The following EDN1 variants were observed in gnomAD, a reference collection of about 807,000 sequenced individuals.
The protein encoded by EDN1 is endothelin-1.
EDN1 carries 11 observed loss-of-function variants against 21.7 expected under a neutral mutation model. That is an observed-to-expected ratio of 0.51 (90% CI 0.32 to 0.84). The LOEUF is 0.84. Ranked by LOEUF, EDN1 falls within the 40% of genes least tolerant of loss-of-function variation. The pLI, the probability that EDN1 is intolerant of heterozygous loss-of-function variation, is 0.03. For synonymous variants in EDN1, 85 were observed against 90.6 expected, an observed-to-expected ratio of 0.94 and a Z score of 0.35; for missense variants, 244 against 262.3, an observed-to-expected ratio of 0.93 and a Z score of 0.48.
the EDN1 span, among the ~76,000 whole-genome samples, chr6:12,278,005 A>T: frequency 6.6e-6 from 1 of 152,238 alleles, no homozygotes; most frequent in African/African-American, 2.4e-5. Flanking sequence ...CTTGGTTATG[A>T]ATTAAAGATC....
upstream of EDN1, among the ~76,000 whole-genome samples, chr6:12,287,712 T>TCTCTCTCTCACA (rs1380647005): frequency 9.7e-6 from 1 of 103,050 alleles, no homozygotes; most frequent in Admixed American, 1.0e-4. Context: ...TCTCTCTCTC[T>TCTCTCTCTCACA]CACACACACA....
At chr6:12,274,482 T>G in the EDN1 span, among the ~76,000 whole-genome samples, 1 of 152,238 alleles carries the variant, frequency 6.6e-6, no homozygotes, top group Non-Finnish European at 1.5e-5. Context: ...CATTTATTTT[T>G]AAAACTTTTA....
At chr6:12,255,165 T>C in the EDN1 span, among the ~76,000 whole-genome samples, 3 of 151,792 alleles carry the variant, frequency 2.0e-5, no homozygotes, top group Admixed American at 1.3e-4. Context: ...CACAAAACTC[T>C]TGAATTGAAT....
chr6:12,282,003 G>T, the EDN1 span, among the ~76,000 whole-genome samples: 2 of 152,030 alleles, frequency 1.3e-5, no homozygotes, highest in Non-Finnish European at 2.9e-5. Context: ...GATGTTTTCT[G>T]GTCATCTTTT....
rs139407538 is a variant in EDN1, at chr6:12,293,952, C to T, written c.245C>T (p.Pro82Leu). 2 of 1,614,132 alleles carry T rather than the reference C, an allele frequency of 1.2e-6. No homozygotes were observed. Among genetic ancestry groups the T allele is most frequent in the Non-Finnish European group, 1.7e-6 (2 of 1,180,024 alleles). ...TCTTTGGATAATAGGCACGTTGTTC[C>T]GTATGGACTTGGAAGCCCTAGGTCC... is the stretch of plus-strand genomic sequence containing the variant. ...IWVNTPEHVV[P>L]YGLGSPRSKR... is the part of the protein sequence containing the mutation. Residue 82 changes from proline to leucine, a missense_variant, in exon 3 of 5, where the codon CCG (proline) becomes CTG (leucine). Physicochemically the swap from Pro to Leu is moderately conservative, Grantham distance 98. Coordinates refer to ENST00000379375, the MANE Select transcript of EDN1 (RefSeq NM_001955.5).
the EDN1 span, among the ~76,000 whole-genome samples, chr6:12,232,176 G>A: frequency 1.6e-5 from 2 of 123,478 alleles, no homozygotes; most frequent in African/African-American, 5.3e-5. Context: ...ATATAATAAA[G>A]TGTATATTAT....
chr6:12,254,421 A>C, the EDN1 span, among the ~76,000 whole-genome samples: 1 of 152,036 alleles, frequency 6.6e-6, no homozygotes, highest in Admixed American at 6.6e-5. Context: ...TTCCAATAGA[A>C]CCTTGAACTT....
chr6:12,262,495 G>A, the EDN1 span, among the ~76,000 whole-genome samples: 3 of 152,054 alleles, frequency 2.0e-5, no homozygotes, highest in African/African-American at 4.8e-5. Flanking sequence ...CGCTGACTTT[G>A]GACTCGAGGA....
rs751438470 is a variant in EDN1, at chr6:12,293,990, G to C, written c.283G>C (p.Glu95Gln). The change falls in exon 3 of 5, where the codon GAG becomes CAG. Residue 95 changes from glutamate (E) to glutamine (Q), a missense_variant. Physicochemically the swap from Glu to Gln is conservative, Grantham distance 29. Coordinates refer to ENST00000379375, the MANE Select transcript of EDN1 (RefSeq NM_001955.5). ...LGSPRSKRAL[E>Q]NLLPTKATDR... is the part of the protein sequence containing the mutation. ...AAGCCCTAGGTCCAAGAGAGCCTTG[G>C]AGAATTTACTTCCCACAAAGGCAAC... The C allele has an allele frequency of 5.0e-6, 8 of 1,614,090 alleles. No individual in the cohort carries two copies. In the African/African-American group the frequency reaches 8.0e-5, roughly 16 times the overall value.
the EDN1 span, among the ~76,000 whole-genome samples, chr6:12,236,859 G>A: frequency 2.7e-4 from 41 of 151,244 alleles, 1 homozygote; most frequent in Non-Finnish European, 1.2e-4. Flanking sequence ...AGGTTCTAGG[G>A]TACATGTGCA....
the EDN1 span, among the ~76,000 whole-genome samples, chr6:12,248,898 A>G: frequency 2.0e-5 from 3 of 152,214 alleles, no homozygotes; most frequent in Admixed American, 6.5e-5. Context: ...AAAAAACTGT[A>G]TATTCAATGT....
At chr6:12,230,670 C>T in the EDN1 span, among the ~76,000 whole-genome samples, 1 of 152,076 alleles carries the variant, frequency 6.6e-6, no homozygotes, top group Non-Finnish European at 1.5e-5. Flanking sequence ...CTTGTTTGAC[C>T]TCAGGTAGGA....
the EDN1 span, among the ~76,000 whole-genome samples, chr6:12,248,886 G>GAA: frequency 6.6e-6 from 1 of 152,110 alleles, no homozygotes; most frequent in Non-Finnish European, 1.5e-5. Flanking sequence ...TTGGGACAGT[G>GAA]AAAAAAACTG....
the EDN1 span, among the ~76,000 whole-genome samples, chr6:12,269,847 C>A: frequency 1.3e-5 from 2 of 151,896 alleles, no homozygotes; most frequent in African/African-American, 4.8e-5. Context: ...GAATTACCTC[C>A]TTTTCAATTT....
the EDN1 span, among the ~76,000 whole-genome samples, chr6:12,268,757 C>A: frequency 6.6e-6 from 1 of 152,056 alleles, no homozygotes; most frequent in Admixed American, 6.6e-5. Context: ...GTGATGCCTC[C>A]AGCTTTATTC....
chr6:12,244,689 C>T, the EDN1 span, among the ~76,000 whole-genome samples: 1 of 152,194 alleles, frequency 6.6e-6, no homozygotes, highest in Non-Finnish European at 1.5e-5. Context: ...ACTGTAAGTG[C>T]TTCATGCTCA....
chr6:12,273,135 T>C, the EDN1 span, among the ~76,000 whole-genome samples: 1 of 152,178 alleles, frequency 6.6e-6, no homozygotes, highest in African/African-American at 2.4e-5. Flanking sequence ...AGGAGGGACC[T>C]CTTGCCCGGT....
the EDN1 span, among the ~76,000 whole-genome samples, chr6:12,256,044 G>A: frequency 6.6e-6 from 1 of 152,130 alleles, no homozygotes; most frequent in Non-Finnish European, 1.5e-5. Flanking sequence ...TAAAAAGCTG[G>A]CACAGGAAAC....
chr6:12,278,186 A>G, the EDN1 span, among the ~76,000 whole-genome samples: 9 of 152,304 alleles, frequency 5.9e-5, 1 homozygote, highest in East Asian at 1.7e-3. Context: ...GAAAACCCCA[A>G]TTATCCCCCA....
Sources: allele counts gnomAD v4.1 joint callset (sites outside exome capture counted in the v4.1 genomes callset), GRCh38; gene constraint gnomAD v4.1.1; transcripts MANE v1.5; gene names NCBI Gene and HGNC (gene_info 2026-07-23, HGNC 2026-07-21).